Variants in C8orf34 observed in about 807,000 individuals in gnomAD.
C8orf34 encodes uncharacterized protein C8orf34.
A neutral mutation model predicts 68.3 loss-of-function variants in C8orf34; 65 were observed. The observed-to-expected ratio is 0.95, with a 90% confidence interval of 0.78 to 1.17. The LOEUF is 1.17. C8orf34 is among the 50% of genes most tolerant of loss of function. C8orf34 has a pLI of 0.00. For synonymous variants in C8orf34, 244 were observed against 241.2 expected (o/e 1.01, Z -0.11); for missense variants, 664 against 655.4 (o/e 1.01, Z -0.14).
chr8:68,721,478 C>A, intron 10 of C8orf34, 41 bp downstream of exon 10: 1 of 1,310,006 alleles, frequency 7.6e-7, no homozygotes, highest in Admixed American at 1.8e-5. Flanking sequence ...ATTGCTAAAA[C>A]TAATTTAAAT....
intron 3 of C8orf34, among the ~76,000 whole-genome samples, chr8:68,449,297 T>C (rs943200443): frequency 3.9e-5 from 6 of 152,100 alleles, no homozygotes; most frequent in Admixed American, 3.3e-4. Flanking sequence ...AAAATTAACA[T>C]AAGATTAACC....
intron 7 of C8orf34, among the ~76,000 whole-genome samples, chr8:68,585,136 G>GTGAA (rs1217321251): frequency 1.3e-5 from 2 of 152,156 alleles, no homozygotes; most frequent in African/African-American, 4.8e-5. Context: ...AGTCTGAGAA[G>GTGAA]TGAACTTTGA....
chr8:68,484,191 C>T (rs979247064), intron 4 of C8orf34, among the ~76,000 whole-genome samples: 2 of 152,176 alleles, frequency 1.3e-5, no homozygotes, highest in Non-Finnish European at 2.9e-5. Flanking sequence ...TACACATTTT[C>T]TATACATTTT....
At chr8:68,644,242 G>C (rs957740112) in intron 8 of C8orf34, among the ~76,000 whole-genome samples, 1 of 152,156 alleles carries the variant, frequency 6.6e-6, no homozygotes, top group Non-Finnish European at 1.5e-5. Flanking sequence ...AGGGGAGAGG[G>C]TAAGGGGAAT....
chr8:68,376,305 C>T (rs1428731373), intron 1 of C8orf34, among the ~76,000 whole-genome samples: 2 of 151,952 alleles, frequency 1.3e-5, no homozygotes, highest in Non-Finnish European at 2.9e-5. Flanking sequence ...ATGAAACCCA[C>T]ATAGGCTAGG....
At chr8:68,424,726 C>G (rs1441110694) in intron 1 of C8orf34, among the ~76,000 whole-genome samples, 1 of 152,042 alleles carries the variant, frequency 6.6e-6, no homozygotes, top group Non-Finnish European at 1.5e-5. Context: ...CGGTGTAACC[C>G]TGTCTCTACT....
intron 7 of C8orf34, among the ~76,000 whole-genome samples, chr8:68,584,705 C>A (rs754998149): frequency 4.6e-5 from 7 of 152,106 alleles, no homozygotes; most frequent in African/African-American, 1.7e-4. Context: ...AAACATGGCT[C>A]TTAAAATAAA....
At chr8:68,356,393 A>C (rs749048221) in intron 1 of C8orf34, among the ~76,000 whole-genome samples, 1 of 152,028 alleles carries the variant, frequency 6.6e-6, no homozygotes, top group East Asian at 1.9e-4. Flanking sequence ...AAACACAAAA[A>C]CTCATATGTA....
Position 68,516,278 on chromosome 8 carries a change from A to G in C8orf34, c.766-5521A>G, listed in dbSNP as rs554670644. On this transcript the variant is annotated intron_variant, in intron 5 of 13. Transcript: ENST00000518698. ...ACTGTTTTTCATTCTTGAGGATTTT[A>G]AAAATTCGTTCAACACATCTTTTCG... is the stretch of plus-strand genomic sequence containing the variant. Among the ~76,000 whole-genome samples the G allele has an allele frequency of 3.3e-4, 51 of 152,348 alleles. 2 individuals are homozygous for G. The South Asian group carries it at 9.9e-3, about 30-fold the overall frequency.
chr8:68,544,610 T>G (rs796448476), intron 7 of C8orf34, among the ~76,000 whole-genome samples: 3 of 152,140 alleles, frequency 2.0e-5, no homozygotes, highest in African/African-American at 7.2e-5. Context: ...TAACAAAGAC[T>G]TGTAAAAAGG....
intron 8 of C8orf34, among the ~76,000 whole-genome samples, chr8:68,672,519 T>A (rs1005001994): frequency 3.3e-5 from 5 of 152,088 alleles, no homozygotes; most frequent in Non-Finnish European, 5.9e-5. Flanking sequence ...CCGGTCACAA[T>A]GGAAAGCAAC....
chr8:68,761,414 G>C (rs976512859), intron 10 of C8orf34, among the ~76,000 whole-genome samples: 2 of 151,998 alleles, frequency 1.3e-5, no homozygotes, highest in African/African-American at 4.8e-5. Flanking sequence ...CTAGAGCAGT[G>C]CTCCCTTATT....
chr8:68,453,934 G>A (rs1168487975), intron 3 of C8orf34, among the ~76,000 whole-genome samples: 1 of 151,952 alleles, frequency 6.6e-6, no homozygotes, highest in Non-Finnish European at 1.5e-5. Context: ...CTTTTATCAT[G>A]TTGAGAAAGT....
intron 10 of C8orf34, among the ~76,000 whole-genome samples, chr8:68,774,349 A>ATATATATATATATATATATATATAT (rs562858909): frequency 4.1e-5 from 6 of 147,792 alleles, no homozygotes; most frequent in African/African-American, 1.0e-4. Flanking sequence ...ATATATATAT[A>ATATATATATATATATATATATATAT]AAATAAACAA....
chr8:68,787,536 C>T lies in C8orf34; in HGVS notation c.1549C>T (p.Arg517Cys), dbSNP rs765435789. 1.5e-5 allele frequency: 24 copies of T among 1,594,120 alleles called. No homozygotes were observed. The highest frequency in any genetic ancestry group is 2.3e-5 in the South Asian group (2 of 88,860). The change falls in exon 12 of 14, where the codon CGT (arginine) becomes TGT (cysteine). Residue 517 changes from arginine (R) to cysteine (C), a missense_variant and splice_region_variant. By Grantham distance (180) the Arg-to-Cys change is radical. Coordinates refer to ENST00000518698, the MANE Select transcript of C8orf34 (RefSeq NM_052958.4). ...AGGAGTGGAAGCAGAACAAGAGAAA[C>T]GTGAGTAGACACTATTGTTTATTGA... ...SEGVEAEQEK[R>C]SADLLLCVPC...
At chr8:68,483,470 T>C (rs1812946767) in intron 4 of C8orf34, among the ~76,000 whole-genome samples, 1 of 152,004 alleles carries the variant, frequency 6.6e-6, no homozygotes, top group African/African-American at 2.4e-5. Context: ...TTATATATCA[T>C]AGGGAAAGGG....
chr8:68,770,064 C>T (rs79673652), intron 10 of C8orf34, among the ~76,000 whole-genome samples: 11 of 151,996 alleles, frequency 7.2e-5, no homozygotes, highest in African/African-American at 2.7e-4. Context: ...CATAGTTTGC[C>T]AAGGCAGGAG....
At chr8:68,703,277 C>T (rs1821071795) in intron 8 of C8orf34, among the ~76,000 whole-genome samples, 1 of 152,126 alleles carries the variant, frequency 6.6e-6, no homozygotes, top group African/African-American at 2.4e-5. Flanking sequence ...ATTAATGACA[C>T]AAACCTTGGA....
chr8:68,539,086 G>C (rs1265665161), intron 7 of C8orf34, among the ~76,000 whole-genome samples: 1 of 152,126 alleles, frequency 6.6e-6, no homozygotes, highest in Non-Finnish European at 1.5e-5. Flanking sequence ...GTTTGAAGCA[G>C]CACAATTTGA....
Sources: allele counts gnomAD v4.1 joint callset (sites outside exome capture counted in the v4.1 genomes callset), GRCh38; gene constraint gnomAD v4.1.1; transcripts MANE v1.5; gene names NCBI Gene and HGNC (gene_info 2026-07-23, HGNC 2026-07-21).